The following RPL29 variants were observed in gnomAD, a reference collection of about 807,000 sequenced individuals.
The protein encoded by RPL29 is ribosomal protein L29.
In RPL29, 4 loss-of-function variants were observed where a neutral mutation model predicts 7.2. That is an observed-to-expected ratio of 0.55 (90% CI 0.27 to 1.26). RPL29 has a LOEUF of 1.26. Ranked by LOEUF, RPL29 falls within the 50% of genes most tolerant of loss-of-function variation. RPL29 has a pLI of 0.11. For synonymous variants in RPL29, 73 were observed against 72.8 expected (o/e 1.00, Z -0.01); for missense variants, 148 against 209.1 (o/e 0.71, Z 1.80).
At chr3:51,995,008 G>A in intron 3 of RPL29, 34 bp downstream of exon 3, 2 of 1,588,214 alleles carry the variant, frequency 1.3e-6, no homozygotes, top group South Asian at 1.1e-5. Flanking sequence ...CTGGAACCAA[G>A]AAAAGACACT....
intron 1 of RPL29, 94 bp from the exon 2 acceptor site, chr3:51,995,563 G>GA: frequency 8.2e-7 from 1 of 1,222,394 alleles, no homozygotes; most frequent in Non-Finnish European, 1.2e-6. Flanking sequence ...TGCAGGCAGA[G>GA]AATGTGCAGC....
rs1432280884 is a variant in RPL29, at chr3:51,993,917, A to G, written c.312T>C (p.Leu104=). The change falls in exon 4 of 4, where the codon CTT becomes CTC. Residue 104 remains leucine, a synonymous_variant. Coordinates refer to ENST00000294189, the MANE Select transcript of RPL29 (RefSeq NM_000992.3). ...DRLAYIAHPK[L]GKRARARIAK... ...CAATACGGGCACGAGCACGCTTCCCAAGCTTGGGGTGGGCAATGTAGGCAA... is the reference window on the plus strand; with the variant it reads ...CAATACGGGCACGAGCACGCTTCCCGAGCTTGGGGTGGGCAATGTAGGCAA... 1 of 1,596,462 alleles carries G rather than the reference A, an allele frequency of 6.3e-7. No homozygotes were observed. The highest frequency in any genetic ancestry group is 1.1e-5 in the South Asian group (1 of 90,998).
chr3:51,995,743 G>T, intron 1 of RPL29, 114 bp downstream of exon 1: 1 of 452,288 alleles, frequency 2.2e-6, no homozygotes, highest in Non-Finnish European at 4.0e-6. Context: ...TTCCCACCCC[G>T]CAGCTTTTGC....
Position 51,993,692 on chromosome 3 carries a change from CA to C in RPL29, c.*56del, listed in dbSNP as rs777497297. 8 of 1,503,724 alleles carry C rather than the reference CA, an allele frequency of 5.3e-6. No individual in the cohort carries two copies. The highest frequency in any genetic ancestry group is 6.2e-6 in the Non-Finnish European group (7 of 1,127,960). 93.1% of individuals were successfully genotyped at this position (1,503,724 alleles called of 1,614,324 possible). On this transcript the variant is annotated 3_prime_UTR_variant, in exon 4 of 4. Transcript: ENST00000294189. ...CCCCAGCCCCATGCAGATGGTAGCCCAGGGGCGGGGGTGGGGGGTCGCACCA... is the reference window on the plus strand; with the variant it reads ...CCCCAGCCCCATGCAGATGGTAGCCCGGGGCGGGGGTGGGGGGTCGCACCA...
At chr3:51,994,524 T>G in intron 3 of RPL29, 1 of 335,638 alleles carries the variant, frequency 3.0e-6, no homozygotes, top group East Asian at 6.2e-5. Flanking sequence ...CAAGGTGGGA[T>G]ATGGGGAAAC....
intron 1 of RPL29, 56 bp from the exon 2 acceptor site, chr3:51,995,525 G>GCC (rs368169964): frequency 6.5e-7 from 1 of 1,535,984 alleles, no homozygotes; most frequent in Non-Finnish European, 9.0e-7. Flanking sequence ...GGCCACCTCT[G>GCC]CCCCCCCCAT....
intron 3 of RPL29, 174 bp downstream of exon 3, chr3:51,994,868 C>T (rs756121207): frequency 5.3e-6 from 4 of 760,574 alleles, no homozygotes; most frequent in Middle Eastern, 2.3e-4. Flanking sequence ...CTGTGGAGAC[C>T]AAGGAAAGCT....
At chr3:51,995,787 TC>T in intron 1 of RPL29, 69 bp downstream of exon 1, 1 of 357,258 alleles carries the variant, frequency 2.8e-6, no homozygotes, top group Admixed American at 4.3e-5. Flanking sequence ...ACCAGTCCTC[TC>T]CGCAGCCCGC....
At position 51,994,040 on chromosome 3, in the gene RPL29, C is replaced by A; in HGVS notation, c.189G>T (p.Lys63Asn). 6.2e-7 allele frequency: 1 copy of A among 1,600,376 alleles called. No homozygotes were observed. The highest frequency in any genetic ancestry group is 1.1e-5 in the South Asian group (1 of 91,066). The stretch of plus-strand genomic sequence containing the variant: ...TAGCCTCGGCACGTGCACTCATGGC[C>A]TTGGCATTGTTGGCCTGCATCTTCT... ...GLKKMQANNA[K>N]AMSARAEAIK... is the part of the protein sequence containing the mutation. Residue 63 changes from lysine (K) to asparagine (N), a missense_variant, in exon 4 of 4, where the codon AAG becomes AAT. By Grantham distance (94) the Lys-to-Asn change is moderately conservative. Transcript: ENST00000294189.
chr3:51,993,618 G>T lies in RPL29; in HGVS notation c.*131C>A. On this transcript the variant is annotated 3_prime_UTR_variant, in exon 4 of 4. Coordinates refer to ENST00000294189, the MANE Select transcript of RPL29 (RefSeq NM_000992.3). ...ACCCATCCCCAGGATCATAGACAGA[G>T]GCTAACAAATCCTGCCTCAGGTTTA... The T allele has an allele frequency of 1.0e-6, 1 of 982,284 alleles. No homozygotes were observed. The highest frequency in any genetic ancestry group is 1.5e-6 in the Non-Finnish European group (1 of 664,854). The allele number at this position is 982,284 out of a possible 1,614,324, so 60.8% of individuals were successfully genotyped here.
chr3:51,993,654 T>C lies in RPL29; in HGVS notation c.*95A>G, dbSNP rs887486323. 20 of 1,249,268 alleles carry C rather than the reference T, an allele frequency of 1.6e-5. No individual in the cohort carries two copies. Among genetic ancestry groups the C allele is most frequent in the Non-Finnish European group, 2.1e-5 (19 of 905,980 alleles). 77.4% of individuals were successfully genotyped at this position (1,249,268 alleles called of 1,614,324 possible). Reference sequence around the variant, plus strand: ...CCTGCCTCAGGTTTATTTGTACAAATAGCACAGGAGGACCCCAGCCCCATG... The same window carrying C: ...CCTGCCTCAGGTTTATTTGTACAAACAGCACAGGAGGACCCCAGCCCCATG... On this transcript the variant is annotated 3_prime_UTR_variant, in exon 4 of 4. Transcript: ENST00000294189.
At chr3:51,995,360 G>C (rs190552580) in intron 2 of RPL29, 65 bp downstream of exon 2, 1 of 1,550,734 alleles carries the variant, frequency 6.4e-7, no homozygotes, top group African/African-American at 1.4e-5. Context: ...CTTCATCTCT[G>C]TCCCAGTTTG....
At chr3:51,995,596 T>C (rs1701303925) in intron 1 of RPL29, 127 bp from the exon 2 acceptor site, 3 of 888,770 alleles carry the variant, frequency 3.4e-6, no homozygotes, top group Non-Finnish European at 5.5e-6. Context: ...CGGCTTACTC[T>C]GCACGACCAA....
At chr3:51,995,561 G>A (rs1701303440) in intron 1 of RPL29, 92 bp from the exon 2 acceptor site, 4 of 1,253,092 alleles carry the variant, frequency 3.2e-6, no homozygotes, top group East Asian at 4.6e-5. Flanking sequence ...CCTGCAGGCA[G>A]AGAATGTGCA....
chr3:51,995,051 A>G lies in RPL29; in HGVS notation c.93T>C (p.Ser31=), dbSNP rs371328431. The G allele has an allele frequency of 1.9e-6, 3 of 1,612,838 alleles. No homozygotes were observed. The highest frequency in any genetic ancestry group is 2.5e-6 in the Non-Finnish European group (3 of 1,179,384). Residue 31 remains serine, a synonymous_variant, in exon 3 of 4, where the codon TCT becomes TCC. Transcript: ENST00000294189. ...IKKPRSQRYE[S]LKGVDPKFLR... ...GATTCAGTGCACTCACCCCCTTAAG[A>G]GATTCGTATCTTTGTGATCGGGGTT...
At chr3:51,995,255 C>A in intron 2 of RPL29, 149 bp from the exon 3 acceptor site, 1 of 959,898 alleles carries the variant, frequency 1.0e-6, no homozygotes, top group South Asian at 1.5e-5. Context: ...AAATGCAAAA[C>A]ACTCTGTATC....
chr3:51,994,386 T>C, intron 3 of RPL29: 2 of 466,818 alleles, frequency 4.3e-6, no homozygotes, highest in Admixed American at 3.8e-5. Context: ...GCCAAGGTTG[T>C]GGGGCTTCAA....
rs14009 is a variant in RPL29 at position 51,993,972 on chromosome 3, G to C, written c.257C>G (p.Pro86Arg). Reference sequence around the variant, plus strand: ...ATCGAGCTTGCGGCTGACACCCTTTGGGATCTTGGGCTTAACCTCCTTGGG... The same window carrying C: ...ATCGAGCTTGCGGCTGACACCCTTTCGGATCTTGGGCTTAACCTCCTTGGG... Reference protein sequence around the residue: ...VKPKEVKPKIPKGVSRKLDRL... With the variant: ...VKPKEVKPKIRKGVSRKLDRL... Residue 86 changes from proline to arginine, a missense_variant, in exon 4 of 4, where the codon CCA becomes CGA. By Grantham distance (103) the Pro-to-Arg change is moderately radical. Coordinates refer to ENST00000294189, the MANE Select transcript of RPL29 (RefSeq NM_000992.3). The C allele has an allele frequency of 6.3e-7, 1 of 1,597,210 alleles. No individual in the cohort carries two copies. Among genetic ancestry groups the C allele is most frequent in the African/African-American group, 1.3e-5 (1 of 74,866 alleles).
At chr3:51,995,520 C>A in intron 1 of RPL29, 51 bp from the exon 2 acceptor site, 1 of 1,554,792 alleles carries the variant, frequency 6.4e-7, no homozygotes, top group African/African-American at 1.4e-5. Context: ...GGCTGGGCCA[C>A]CTCTGCCCCC....
Sources: gnomAD v4.1 joint callset for allele counts on GRCh38, gnomAD v4.1.1 for gene constraint, MANE v1.5 for transcripts, NCBI Gene and HGNC (gene_info 2026-07-23, HGNC 2026-07-21) for gene names.